Variants in CEACAM16 observed in about 807,000 individuals in gnomAD.
CEACAM16 encodes cell adhesion molecule CEACAM16.
CEACAM16 carries 30 observed loss-of-function variants against 39.4 expected under a neutral mutation model. That is an observed-to-expected ratio of 0.76 (90% CI 0.57 to 1.03). The LOEUF (loss-of-function observed/expected upper bound fraction) is 1.03, where lower values mean the gene tolerates loss of function less well. Among genes scored for constraint, CEACAM16 ranks in the 50% least tolerant of loss-of-function variants. The pLI is 0.00. For missense variants in CEACAM16, 521 were observed against 585.3 expected, an observed-to-expected ratio of 0.89 and a Z score of 1.13; for synonymous variants, 262 against 264.9, an observed-to-expected ratio of 0.99 and a Z score of 0.11.
Position 44,701,529 on chromosome 19 carries a change from C to G in CEACAM16, c.37+36C>G. ...ATGGCACCCCCCAGCACCTCAGCCC[C>G]CCGAGGACCCCAGGGAGGGGAGGGG... On this transcript the variant is annotated intron_variant, in intron 2 of 6. Coordinates refer to ENST00000587331, the MANE Select transcript of CEACAM16 (RefSeq NM_001039213.4). The surrounding 1 kb of genome is among the most constrained non-coding windows in gnomAD (Gnocchi z 4.0). The G allele has an allele frequency of 6.4e-7, 1 of 1,551,084 alleles. No homozygotes were observed.
chr19:44,704,199 G>C lies in CEACAM16; in HGVS notation c.564G>C (p.Arg188Ser), dbSNP rs774895208. The change falls in exon 4 of 7, where the codon AGG becomes AGC. Residue 188 changes from arginine (R) to serine (S), a missense_variant. Physicochemically the swap from Arg to Ser is moderately radical, Grantham distance 110. Transcript: ENST00000587331. ...GLSPDGRVLARHGIRREEAGA... is the reference protein window; with the variant it reads ...GLSPDGRVLASHGIRREEAGA... ...CCCCTGACGGCCGGGTGCTGGCCAG[G>C]CATGGCATCCGCCGGGAGGAGGCCG... 5.1e-6 allele frequency: 8 copies of C among 1,562,770 alleles called. No homozygotes were observed. The highest frequency in any genetic ancestry group is 5.2e-6 in the Non-Finnish European group (6 of 1,154,104).
chr19:44,710,478 G>GC lies in CEACAM16; in HGVS notation c.1268-14dup. On this transcript the variant is annotated splice_polypyrimidine_tract_variant and intron_variant, in intron 6 of 6. Coordinates refer to ENST00000587331, the MANE Select transcript of CEACAM16 (RefSeq NM_001039213.4). ...CTCTGACATCCTCCTTCGCCCCCTC[G>GC]CCCCATATGCCCCACAGCCCTGGGG... is the stretch of plus-strand genomic sequence containing the variant. The GC allele has an allele frequency of 6.2e-7, 1 of 1,610,378 alleles. No individual in the cohort carries two copies. Among genetic ancestry groups the GC allele is most frequent in the African/African-American group, 1.3e-5 (1 of 74,930 alleles).
intron 3 of CEACAM16, 50 bp from the exon 4 acceptor site, chr19:44,703,968 C>T: frequency 6.6e-7 from 1 of 1,524,112 alleles, no homozygotes; most frequent in Non-Finnish European, 8.8e-7. Flanking sequence ...GGAAGGCCCT[C>T]AGAGCAGGTG....
chr19:44,708,336 C>T (rs552756707), intron 6 of CEACAM16, 149 bp downstream of exon 6: 47 of 841,976 alleles, frequency 5.6e-5, no homozygotes, highest in East Asian at 8.3e-5. Context: ...TTGTCTCCTC[C>T]GCCTAACTTG....
intron 2 of CEACAM16, among the ~76,000 whole-genome samples, chr19:44,702,242 G>A (rs1374958483): frequency 1.3e-5 from 2 of 151,430 alleles, no homozygotes; most frequent in South Asian, 2.1e-4. Context: ...ACAGTGTGCC[G>A]AGACTGCACC....
rs138148336 is a variant in CEACAM16 at position 44,703,619 on chromosome 19, C to T, written c.308C>T (p.Ser103Leu). The change falls in exon 3 of 7, where the codon TCA becomes TTA. Residue 103 changes from serine (S) to leucine (L), a missense_variant. Ser to Leu is a moderately radical substitution (Grantham distance 145). Transcript: ENST00000587331. ...LDIQGILPRH[S>L]GTYILQTFNR... is the part of the protein sequence containing the mutation. Reference sequence around the variant, plus strand: ...ATCCAGGGCATCCTGCCCCGGCACTCAGGCACCTACATCCTGCAGACCTTC... The same window carrying T: ...ATCCAGGGCATCCTGCCCCGGCACTTAGGCACCTACATCCTGCAGACCTTC... The T allele has an allele frequency of 5.3e-5, 86 of 1,608,588 alleles. No individual in the cohort carries two copies. In the East Asian group the frequency reaches 1.9e-3, roughly 36 times the overall value.
chr19:44,707,935 C>A lies in CEACAM16; in HGVS notation c.1015C>A (p.Gln339Lys). ...GGGCCAGGACGTAACACTGACCGTGCAGGGCTACCCCAAGGACCTGCTGGT... is the reference window on the plus strand; with the variant it reads ...GGGCCAGGACGTAACACTGACCGTGAAGGGCTACCCCAAGGACCTGCTGGT... ...TEGQDVTLTV[Q>K]GYPKDLLVYA... Residue 339 changes from glutamine (Q) to lysine (K), a missense_variant, in exon 6 of 7, where the codon CAG becomes AAG. Transcript: ENST00000587331. The A allele has an allele frequency of 3.1e-6, 5 of 1,595,242 alleles. No homozygotes were observed. The highest frequency in any genetic ancestry group is 4.3e-6 in the Non-Finnish European group (5 of 1,167,478).
chr19:44,703,926 C>A, intron 3 of CEACAM16, 92 bp from the exon 4 acceptor site: 5 of 1,402,810 alleles, frequency 3.6e-6, no homozygotes, highest in Non-Finnish European at 4.8e-6. Flanking sequence ...GGGGCCCAGC[C>A]ACAATCCGGC....
At chr19:44,700,335 G>A (rs906966814) in intron 1 of CEACAM16, among the ~76,000 whole-genome samples, 3 of 152,110 alleles carry the variant, frequency 2.0e-5, no homozygotes, top group South Asian at 2.1e-4. Context: ...ACGGGGTTTC[G>A]CCATGTTGGT....
At chr19:44,707,474 G>A (rs1440317795) in intron 5 of CEACAM16, among the ~76,000 whole-genome samples, 6 of 152,050 alleles carry the variant, frequency 3.9e-5, no homozygotes, top group Admixed American at 2.0e-4. Flanking sequence ...ACAGACACAA[G>A]TCCCAACCAT....
At chr19:44,703,835 A>C in intron 3 of CEACAM16, 142 bp downstream of exon 3, 2 of 989,452 alleles carry the variant, frequency 2.0e-6, no homozygotes, top group Non-Finnish European at 2.9e-6. Flanking sequence ...ATAACCTCAA[A>C]ATGCTCACCT....
chr19:44,701,514 C>A lies in CEACAM16; in HGVS notation c.37+21C>A. The A allele has an allele frequency of 1.3e-6, 2 of 1,558,922 alleles. No individual in the cohort carries two copies. The highest frequency in any genetic ancestry group is 2.4e-5 in the East Asian group (1 of 41,554). The stretch of plus-strand genomic sequence containing the variant: ...CAGTGGTGAGCGAGAATGGCACCCC[C>A]CAGCACCTCAGCCCCCCGAGGACCC... On this transcript the variant is annotated intron_variant, in intron 2 of 6. Transcript: ENST00000587331. This position sits in a 1 kb window ranked among gnomAD's most constrained non-coding sequence, Gnocchi z 4.0.
chr19:44,707,774 A>G, intron 5 of CEACAM16, 87 bp from the exon 6 acceptor site: 3 of 1,227,866 alleles, frequency 2.4e-6, no homozygotes, highest in Non-Finnish European at 3.3e-6. Flanking sequence ...AGTGCCAGCC[A>G]GCTGGGGGGA....
In CEACAM16 at chr19:44,701,334, T is replaced by C. The variant is rs1433256408; in HGVS notation, c.-96-27T>C. ...CCCTCCAAATTCAGGTGATCTCCCC[T>C]GGCTCCAAATCACCAAACCCTCCCA... On this transcript the variant is annotated intron_variant, in intron 1 of 6. Transcript: ENST00000587331. This position sits in a 1 kb window ranked among gnomAD's most constrained non-coding sequence, Gnocchi z 4.0. The C allele has an allele frequency of 1.9e-6, 2 of 1,056,736 alleles. No individual in the cohort carries two copies. Among genetic ancestry groups the C allele is most frequent in the Non-Finnish European group, 2.9e-6 (2 of 697,324 alleles). The allele number at this position is 1,056,736 out of a possible 1,614,324, so 65.5% of individuals were successfully genotyped here.
At position 44,704,241 on chromosome 19, in the gene CEACAM16, G is replaced by C; in HGVS notation, c.606G>C (p.Glu202Asp). 6.5e-7 allele frequency: 1 copy of C among 1,544,810 alleles called. No homozygotes were observed. The highest frequency in any genetic ancestry group is 2.4e-5 in the East Asian group (1 of 40,820). The change falls in exon 4 of 7, where the codon GAG becomes GAC. Residue 202 changes from glutamate to aspartate, a missense_variant. Glu to Asp is a conservative substitution (Grantham distance 45). Coordinates refer to ENST00000587331, the MANE Select transcript of CEACAM16 (RefSeq NM_001039213.4). ...AGGAGGCCGGCGCCTATCAGTGTGA[G>C]GTGTGGAACCCGGTCAGTGTCAGCC... ...RREEAGAYQC[E>D]VWNPVSVSRS...
In CEACAM16 at chr19:44,707,947, A is replaced by C; in HGVS notation, c.1027A>C (p.Lys343Gln). ...DVTLTVQGYP[K>Q]DLLVYAWYRG... ...AACACTGACCGTGCAGGGCTACCCCAAGGACCTGCTGGTCTACGCCTGGTA... is the reference window on the plus strand; with the variant it reads ...AACACTGACCGTGCAGGGCTACCCCCAGGACCTGCTGGTCTACGCCTGGTA... The change falls in exon 6 of 7, where the codon AAG (lysine) becomes CAG (glutamine). Residue 343 changes from lysine (K) to glutamine (Q), a missense_variant. By Grantham distance (53) the Lys-to-Gln change is moderately conservative (BLOSUM62 1). Coordinates refer to ENST00000587331, the MANE Select transcript of CEACAM16 (RefSeq NM_001039213.4). The C allele has an allele frequency of 6.2e-7, 1 of 1,601,838 alleles. No homozygotes were observed. Among genetic ancestry groups the C allele is most frequent in the Non-Finnish European group, 8.5e-7 (1 of 1,172,910 alleles).
intron 6 of CEACAM16, among the ~76,000 whole-genome samples, chr19:44,710,108 C>A (rs934968018): frequency 6.6e-6 from 1 of 152,212 alleles, no homozygotes; most frequent in Non-Finnish European, 1.5e-5. Flanking sequence ...TCCCTGAGTC[C>A]GGGATGGTGC....
Position 44,703,781 on chromosome 19 carries a change from T to A in CEACAM16, c.382+88T>A, listed in dbSNP as rs2122193693. 7.0e-6 allele frequency: 7 copies of A among 1,001,252 alleles called. No homozygotes were observed. The South Asian group carries it at 9.7e-5, about 14-fold the overall frequency. 62.0% of individuals were successfully genotyped at this position (1,001,252 alleles called of 1,614,324 possible). A position where few individuals can be genotyped will look rare whatever the true frequency, so the allele number is the denominator to read the frequency against. On this transcript the variant is annotated intron_variant, in intron 3 of 6. Coordinates refer to ENST00000587331, the MANE Select transcript of CEACAM16 (RefSeq NM_001039213.4). ...TTCTTTTTTTTAAAAAAAAAAAAAA[T>A]CCAACAAATCATCAGGGAAACCATC...
Position 44,703,598 on chromosome 19 carries a change from A to G in CEACAM16, c.287A>G (p.Gln96Arg), listed in dbSNP as rs749453124. 1.2e-6 allele frequency: 2 copies of G among 1,608,410 alleles called. No homozygotes were observed. Among genetic ancestry groups the G allele is most frequent in the South Asian group, 2.2e-5 (2 of 90,524 alleles). The part of the protein sequence containing the change: ...AVRPDGSLDI[Q>R]GILPRHSGTY... ...CGCCCCGATGGCAGCCTGGACATCC[A>G]GGGCATCCTGCCCCGGCACTCAGGC... Residue 96 changes from glutamine to arginine, a missense_variant, in exon 3 of 7, where the codon CAG becomes CGG. Transcript: ENST00000587331.
Sources: allele counts gnomAD v4.1 joint callset (sites outside exome capture counted in the v4.1 genomes callset), GRCh38; gene constraint gnomAD v4.1.1; non-coding constraint Gnocchi (gnomAD v3.1); transcripts MANE v1.5; gene names NCBI Gene and HGNC (gene_info 2026-07-23, HGNC 2026-07-21).